MACROD2: variants seen among roughly 807,000 people sequenced by gnomAD.
MACROD2 encodes mono-ADP ribosylhydrolase 2.
MACROD2 carries 36 observed loss-of-function variants against 70.4 expected under a neutral mutation model. The ratio of observed to expected loss-of-function variants is 0.51; its 90% CI spans 0.39 to 0.68. The LOEUF (loss-of-function observed/expected upper bound fraction) is 0.68. Among genes scored for constraint, MACROD2 ranks in the 30% least tolerant of loss-of-function variants. The pLI, the probability that MACROD2 is intolerant of heterozygous loss-of-function variation, is 0.00. For missense variants in MACROD2, 496 were observed against 538.4 expected (o/e 0.92, Z 0.78); for synonymous variants, 172 against 178.8 (o/e 0.96, Z 0.30).
intron 5 of MACROD2, among the ~76,000 whole-genome samples, chr20:14,841,120 A>G (rs1294794394): frequency 1.3e-5 from 2 of 152,170 alleles, no homozygotes; most frequent in Non-Finnish European, 2.9e-5. Flanking sequence ...AATATGAGAA[A>G]TATTCCCATT....
intron 5 of MACROD2, among the ~76,000 whole-genome samples, chr20:14,823,991 G>C (rs1600700290): frequency 6.6e-6 from 1 of 152,234 alleles, no homozygotes; most frequent in East Asian, 1.9e-4. Flanking sequence ...CATATTGGCA[G>C]TTCATTTTGA....
chr20:15,569,439 A>G (rs1418941405), intron 8 of MACROD2, among the ~76,000 whole-genome samples: 5 of 152,134 alleles, frequency 3.3e-5, no homozygotes, highest in Non-Finnish European at 4.4e-5. Flanking sequence ...TAAGAATACA[A>G]TCTGTTGTTA....
intron 3 of MACROD2, among the ~76,000 whole-genome samples, chr20:14,475,094 T>C (rs1450566915): frequency 6.6e-6 from 1 of 152,022 alleles, no homozygotes; most frequent in Non-Finnish European, 1.5e-5. Flanking sequence ...TGTGTTTTGA[T>C]TCCTTGTTTC....
intron 10 of MACROD2, among the ~76,000 whole-genome samples, chr20:15,913,233 A>G (rs540664464): frequency 8.5e-5 from 13 of 152,292 alleles, no homozygotes; most frequent in Non-Finnish European, 1.5e-4. Context: ...AAAAAAATCC[A>G]GAAAACAAAT....
At chr20:14,961,420 G>A (rs906751302) in intron 5 of MACROD2, among the ~76,000 whole-genome samples, 10 of 151,924 alleles carry the variant, frequency 6.6e-5, no homozygotes, top group Admixed American at 3.3e-4. Context: ...CCCATTCCAG[G>A]GCACTTTCTA....
intron 2 of MACROD2, among the ~76,000 whole-genome samples, chr20:14,056,737 A>G (rs947087237): frequency 3.3e-5 from 5 of 152,038 alleles, no homozygotes; most frequent in Non-Finnish European, 7.4e-5. Context: ...TTGGTGATAC[A>G]TATAAGATCA....
intron 5 of MACROD2, among the ~76,000 whole-genome samples, chr20:14,687,565 C>T (rs1414286813): frequency 6.6e-6 from 1 of 152,138 alleles, no homozygotes; most frequent in African/African-American, 2.4e-5. Context: ...TCATGGGCAT[C>T]CTGGGGCAAA....
chr20:15,886,108 A>C (rs2064818907), intron 10 of MACROD2, among the ~76,000 whole-genome samples: 1 of 152,120 alleles, frequency 6.6e-6, no homozygotes, highest in Non-Finnish European at 1.5e-5. Flanking sequence ...GCTGAAAACA[A>C]CCACTTCTTA....
At position 14,646,571 on chromosome 20, in the gene MACROD2, A is replaced by T. The variant is rs988325685; in HGVS notation, c.302-38272A>T. ...TCATCATAAAAGCTGTAATGGTGGA[A>T]TTTTTTTTTCCATAGTAAAAAAATT... On this transcript the variant is annotated intron_variant, in intron 4 of 17. Transcript: ENST00000684519. 2.0e-5 allele frequency among the ~76,000 whole-genome samples: 3 copies of T among 151,524 alleles called. No individual in the cohort carries two copies. In the East Asian group the frequency reaches 5.8e-4, roughly 29 times the overall value.
At chr20:14,843,369 A>C (rs1267719021) in intron 5 of MACROD2, among the ~76,000 whole-genome samples, 1 of 151,804 alleles carries the variant, frequency 6.6e-6, no homozygotes, top group Non-Finnish European at 1.5e-5. Context: ...CCCATACAGT[A>C]GTATATGCAT....
chr20:14,052,704 T>C (rs1232403507), intron 2 of MACROD2, among the ~76,000 whole-genome samples: 1 of 152,164 alleles, frequency 6.6e-6, no homozygotes, highest in East Asian at 1.9e-4. Context: ...AACAGATTTT[T>C]TTTTTTGCAA....
chr20:14,830,097 T>G (rs1458526764), intron 5 of MACROD2, among the ~76,000 whole-genome samples: 1 of 152,168 alleles, frequency 6.6e-6, no homozygotes, highest in Non-Finnish European at 1.5e-5. Context: ...TATTACTACT[T>G]AAGATGCAAT....
intron 5 of MACROD2, among the ~76,000 whole-genome samples, chr20:15,173,134 T>C (rs1401135850): frequency 1.3e-5 from 2 of 152,114 alleles, no homozygotes; most frequent in Non-Finnish European, 2.9e-5. Context: ...AAATTTTAAA[T>C]AATAAATCTA....
chr20:14,796,550 C>T (rs746708242), intron 5 of MACROD2, among the ~76,000 whole-genome samples: 2 of 152,108 alleles, frequency 1.3e-5, no homozygotes, highest in South Asian at 2.1e-4. Context: ...ACTTCCTTAT[C>T]GGAGGGCAAG....
chr20:14,518,368 G>A (rs118018076), intron 4 of MACROD2, among the ~76,000 whole-genome samples: 8 of 152,136 alleles, frequency 5.3e-5, no homozygotes, highest in African/African-American at 1.9e-4. Context: ...TACAAATTAT[G>A]TCATTTTTAG....
Position 15,392,658 on chromosome 20 carries a change from G to T in MACROD2, c.541-38747G>T, listed in dbSNP as rs946739690. ...CCTAACTTCTGTTTTGAGGATTGGT[G>T]CTTTCCTTCTTCCTTCCCTCTATTT... On this transcript the variant is annotated intron_variant, in intron 6 of 17. Coordinates refer to ENST00000684519, the MANE Select transcript of MACROD2 (RefSeq NM_001351661.2). 6.8e-4 allele frequency among the ~76,000 whole-genome samples: 104 copies of T among 152,022 alleles called. 2 individuals are homozygous for T. Among genetic ancestry groups the T allele is most frequent in the African/African-American group, 2.5e-3 (102 of 41,472 alleles).
At chr20:14,368,023 A>G (rs1370500812) in intron 3 of MACROD2, among the ~76,000 whole-genome samples, 1 of 152,082 alleles carries the variant, frequency 6.6e-6, no homozygotes, top group Admixed American at 6.5e-5. Flanking sequence ...TTATTTCCAG[A>G]ATATCTGTTT....
chr20:14,652,652 A>G (rs1265671087), intron 4 of MACROD2, among the ~76,000 whole-genome samples: 2 of 152,206 alleles, frequency 1.3e-5, no homozygotes, highest in Non-Finnish European at 2.9e-5. Flanking sequence ...ACTCAAGACC[A>G]CCAGGTTGAA....
intron 5 of MACROD2, among the ~76,000 whole-genome samples, chr20:15,174,088 A>G (rs2076442121): frequency 1.3e-5 from 2 of 152,218 alleles, no homozygotes; most frequent in Non-Finnish European, 2.9e-5. Context: ...AAGACTTTTA[A>G]ATCATGATTT....
Sources: allele counts gnomAD v4.1 joint callset (sites outside exome capture counted in the v4.1 genomes callset), GRCh38; gene constraint gnomAD v4.1.1; transcripts MANE v1.5; gene names NCBI Gene and HGNC (gene_info 2026-07-23, HGNC 2026-07-21).